The following SEMA4D variants were observed in gnomAD, a reference collection of about 807,000 sequenced individuals.
SEMA4D encodes the protein semaphorin-4D.
Under a neutral mutation model 74.8 loss-of-function variants are expected in SEMA4D, and 22 were observed. That is an observed-to-expected ratio of 0.29 (90% CI 0.21 to 0.42). The LOEUF (loss-of-function observed/expected upper bound fraction) is 0.42, where lower values mean the gene tolerates loss of function less well. Among genes scored for constraint, SEMA4D ranks in the 10% least tolerant of loss-of-function variants. The probability of loss-of-function intolerance (pLI) is 1.00; values close to 1 mark genes in which losing one functional copy is unlikely to be tolerated. For synonymous variants in SEMA4D, 445 were observed against 463.7 expected, an observed-to-expected ratio of 0.96 and a Z score of 0.52; for missense variants, 937 against 1,118.4, an observed-to-expected ratio of 0.84 and a Z score of 2.31.
intron 13 of SEMA4D, among the ~76,000 whole-genome samples, chr9:89,383,342 A>G (rs1837620923): frequency 6.6e-6 from 1 of 152,196 alleles, no homozygotes; most frequent in Non-Finnish European, 1.5e-5. Context: ...ACTTGGACAG[A>G]ATGACCAAGG....
chr9:89,479,380 C>T (rs974481471), intron 1 of SEMA4D, among the ~76,000 whole-genome samples: 11 of 152,200 alleles, frequency 7.2e-5, no homozygotes, highest in African/African-American at 1.9e-4. Flanking sequence ...CAGCTGTTTC[C>T]GATTTGCTCT....
At chr9:89,374,070 C>T (rs1835466104), downstream of SEMA4D, among the ~76,000 whole-genome samples, 1 of 152,250 alleles carries the variant, frequency 6.6e-6, no homozygotes, top group African/African-American at 2.4e-5. Flanking sequence ...GTCTCACAGC[C>T]TTCGCAGGCT....
intron 2 of SEMA4D, among the ~76,000 whole-genome samples, chr9:89,444,745 A>C (rs1305852126): frequency 6.6e-6 from 1 of 152,184 alleles, no homozygotes; most frequent in Non-Finnish European, 1.5e-5. Context: ...TCTTCTTAAC[A>C]AACGCTGGTA....
chr9:89,392,541 AG>A lies in SEMA4D; in HGVS notation c.509-6del. 6 of 1,598,360 alleles carry A rather than the reference AG, an allele frequency of 3.8e-6. No homozygotes were observed. Among genetic ancestry groups the A allele is most frequent in the Non-Finnish European group, 5.1e-6 (6 of 1,165,722 alleles). Reference sequence around the variant, plus strand: ...TCCCCGAATAAAGTTCTCCATCTGCAGGGGCCCAGAAGAAAAGAGGAAAAGG... The same window carrying A: ...TCCCCGAATAAAGTTCTCCATCTGCAGGGCCCAGAAGAAAAGAGGAAAAGG... On this transcript the variant is annotated splice_polypyrimidine_tract_variant and splice_region_variant and intron_variant, in intron 7 of 15. Transcript: ENST00000422704.
chr9:89,395,419 C>T (rs1054243208), intron 6 of SEMA4D, among the ~76,000 whole-genome samples: 4 of 148,790 alleles, frequency 2.7e-5, no homozygotes, highest in African/African-American at 7.4e-5. Flanking sequence ...AGTGAAACTC[C>T]GTCTCAAAAA....
chr9:89,431,216 T>C (rs1181477837), intron 2 of SEMA4D, among the ~76,000 whole-genome samples: 1 of 152,134 alleles, frequency 6.6e-6, no homozygotes, highest in Non-Finnish European at 1.5e-5. Flanking sequence ...GACTGGCACG[T>C]TCCAAGCTCA....
intron 2 of SEMA4D, among the ~76,000 whole-genome samples, chr9:89,412,967 A>T (rs1056086006): frequency 6.6e-6 from 1 of 152,202 alleles, no homozygotes; most frequent in Non-Finnish European, 1.5e-5. Flanking sequence ...ATAATCATTG[A>T]TGGGTGTTAC....
intron 2 of SEMA4D, among the ~76,000 whole-genome samples, chr9:89,411,642 T>C (rs1322851719): frequency 6.6e-6 from 1 of 152,212 alleles, no homozygotes; most frequent in African/African-American, 2.4e-5. Flanking sequence ...ATTACTCTCA[T>C]AAAATGAATT....
chr9:89,371,913 T>G (rs1834981785), intron 16 of SEMA4D, among the ~76,000 whole-genome samples: 1 of 125,464 alleles, frequency 8.0e-6, no homozygotes, highest in Non-Finnish European at 1.7e-5. Context: ...ATGTGTGTGG[T>G]GTGTGGGGTG....
rs531814478 is a variant in SEMA4D at position 89,384,881 on chromosome 9, C to T, written c.1446+1486G>A. ...GCCATGGAGCTGGGCCTTCCACCCC[C>T]ACCTGGAGCCTACTGAGGCCCAAGG... On this transcript the variant is annotated intron_variant, in intron 13 of 15. Coordinates refer to ENST00000422704, the MANE Select transcript of SEMA4D (RefSeq NM_001371194.2). 2.3e-3 allele frequency: 2,224 copies of T among 985,402 alleles called. 4 individuals carry two copies. The highest frequency in any genetic ancestry group is 2.6e-3 in the Non-Finnish European group (2,141 of 829,918). 61.0% of individuals were successfully genotyped at this position (985,402 alleles called of 1,614,324 possible).
At chr9:89,380,180 C>T (rs1274225616) in intron 15 of SEMA4D, among the ~76,000 whole-genome samples, 1 of 151,912 alleles carries the variant, frequency 6.6e-6, no homozygotes, top group African/African-American at 2.4e-5. Context: ...CTACAGGTGA[C>T]CACCTCCAGG....
chr9:89,366,803 A>C (rs577559574), intron 16 of SEMA4D, among the ~76,000 whole-genome samples: 3 of 152,194 alleles, frequency 2.0e-5, no homozygotes, highest in African/African-American at 4.8e-5. Flanking sequence ...AGTGAGTTCT[A>C]TAAAAGCCCG....
chr9:89,362,328 C>G, exon 19 of SEMA4D: 1 of 1,613,488 alleles, frequency 6.2e-7, no homozygotes, highest in Admixed American at 1.7e-5. Context: ...AGGCCTTCTC[C>G]GGGGGTGGCT....
At chr9:89,463,463 C>G (rs1284179832) in intron 1 of SEMA4D, among the ~76,000 whole-genome samples, 3 of 152,220 alleles carry the variant, frequency 2.0e-5, no homozygotes, top group Non-Finnish European at 4.4e-5. Flanking sequence ...AGCAGGGCTA[C>G]TTGGGGGCTT....
chr9:89,434,523 A>G (rs1849973832), intron 2 of SEMA4D, among the ~76,000 whole-genome samples: 1 of 152,170 alleles, frequency 6.6e-6, no homozygotes. Flanking sequence ...CATCTAAGAG[A>G]GTAGAGTGAA....
chr9:89,473,903 G>A (rs1440679946), intron 1 of SEMA4D, among the ~76,000 whole-genome samples: 1 of 152,082 alleles, frequency 6.6e-6, no homozygotes, highest in East Asian at 1.9e-4. Context: ...AAGAAGTGAA[G>A]GCAGACAGTC....
At chr9:89,452,890 TAGTC>T (rs1588006487) in intron 2 of SEMA4D, among the ~76,000 whole-genome samples, 3 of 152,194 alleles carry the variant, frequency 2.0e-5, no homozygotes, top group African/African-American at 7.2e-5. Context: ...TGTTCATCAT[TAGTC>T]AGAGTAATGC....
chr9:89,450,823 A>T, intron 2 of SEMA4D: 1 of 689,748 alleles, frequency 1.4e-6, no homozygotes, highest in Non-Finnish European at 2.4e-6. Context: ...AGACTCTGTG[A>T]AGTGCAGTTC....
rs1232845867 is a variant in SEMA4D at position 89,492,105 on chromosome 9, A to C, written c.-310+5814T>G. On this transcript the variant is annotated intron_variant, in intron 1 of 15. Coordinates refer to ENST00000422704, the MANE Select transcript of SEMA4D (RefSeq NM_001371194.2). This position sits in a 1 kb window ranked among gnomAD's most constrained non-coding sequence, Gnocchi z 4.3. ...GCCCTTCACGGCAGCAAAATTCTTG[A>C]AAAAGCAATAGGGTCCTGCTGTCCC... 1.5e-4 allele frequency among the ~76,000 whole-genome samples: 23 copies of C among 152,150 alleles called. No individual in the cohort carries two copies. The highest frequency in any genetic ancestry group is 1.5e-5 in the Non-Finnish European group (1 of 68,018).
Sources: allele counts gnomAD v4.1 joint callset (sites outside exome capture counted in the v4.1 genomes callset), GRCh38; gene constraint gnomAD v4.1.1; non-coding constraint Gnocchi (gnomAD v3.1); transcripts MANE v1.5; gene names NCBI Gene and HGNC (gene_info 2026-07-23, HGNC 2026-07-21).